The following STXBP5L variants were observed in gnomAD, a reference collection of about 807,000 sequenced individuals.
STXBP5L encodes syntaxin-binding protein 5-like.
Under a neutral mutation model 144.5 loss-of-function variants are expected in STXBP5L, and 65 were observed. That is an observed-to-expected ratio of 0.45 (90% CI 0.37 to 0.55). The LOEUF is 0.55. Ranked by LOEUF, STXBP5L falls within the 20% of genes least tolerant of loss-of-function variation. The pLI, the probability that STXBP5L is intolerant of heterozygous loss-of-function variation, is 0.00. For missense variants in STXBP5L, 1,298 were observed against 1,405.5 expected, an observed-to-expected ratio of 0.92 and a Z score of 1.22; for synonymous variants, 505 against 469.6, an observed-to-expected ratio of 1.08 and a Z score of -0.97.
chr3:121,237,832 T>G (rs1396639257), intron 12 of STXBP5L, among the ~76,000 whole-genome samples: 1 of 152,172 alleles, frequency 6.6e-6, no homozygotes, highest in Admixed American at 6.5e-5. Flanking sequence ...TCTGCTACAG[T>G]GCAACAATGC....
intron 5 of STXBP5L, among the ~76,000 whole-genome samples, chr3:121,088,294 C>T (rs1278682702): frequency 8.3e-6 from 1 of 121,076 alleles, no homozygotes; most frequent in African/African-American, 3.2e-5. Context: ...CATGAACAGA[C>T]ACTTCTCAAA....
intron 3 of STXBP5L, among the ~76,000 whole-genome samples, chr3:120,980,979 A>T (rs559318375): frequency 7.9e-5 from 12 of 152,252 alleles, no homozygotes; most frequent in African/African-American, 2.6e-4. Context: ...TTAGCAGGAT[A>T]CAAAATCCTT....
chr3:121,101,302 C>A (rs1257151611), intron 5 of STXBP5L, among the ~76,000 whole-genome samples: 1 of 151,998 alleles, frequency 6.6e-6, no homozygotes, highest in African/African-American at 2.4e-5. Context: ...AAGGACAATA[C>A]AGGCCAATAT....
At chr3:121,200,657 C>T (rs1577193699) in intron 9 of STXBP5L, among the ~76,000 whole-genome samples, 1 of 152,108 alleles carries the variant, frequency 6.6e-6, no homozygotes, top group Non-Finnish European at 1.5e-5. Flanking sequence ...TAGCTGTGTC[C>T]CAGAGATTCT....
Position 121,152,498 on chromosome 3 carries a change from G to A in STXBP5L, c.691G>A (p.Gly231Ser). 1 of 1,606,350 alleles carries A rather than the reference G, an allele frequency of 6.2e-7. No individual in the cohort carries two copies. The highest frequency in any genetic ancestry group is 8.5e-7 in the Non-Finnish European group (1 of 1,176,754). Residue 231 changes from glycine (G) to serine (S), a missense_variant, in exon 8 of 27, where the codon GGT (glycine) becomes AGT (serine). By Grantham distance (56) the Gly-to-Ser change is moderately conservative (BLOSUM62 0). Transcript: ENST00000471454. ...EGKLLIGYEN[G>S]TVVFWDLKSK... ...CCAGCTGCTAATAGGTTATGAAAAT[G>A]GTACTGTAGTATTCTGGGACTTGAA...
chr3:121,324,407 A>G, intron 20 of STXBP5L: 1 of 579,852 alleles, frequency 1.7e-6, no homozygotes, highest in Admixed American at 3.3e-5. Flanking sequence ...AGTTATTATG[A>G]AATTCAGCTT....
At chr3:121,087,947 T>G (rs559946116) in intron 5 of STXBP5L, among the ~76,000 whole-genome samples, 16 of 152,260 alleles carry the variant, frequency 1.1e-4, no homozygotes, top group Non-Finnish European at 2.1e-4. Flanking sequence ...TTCCTTTCTT[T>G]ACTTCCCTTT....
At chr3:121,270,464 T>A (rs886746292) in intron 18 of STXBP5L, among the ~76,000 whole-genome samples, 2 of 152,108 alleles carry the variant, frequency 1.3e-5, no homozygotes, top group Non-Finnish European at 2.9e-5. Context: ...CTTCAGCATT[T>A]TTTTTTTAGA....
At chr3:121,208,621 T>G (rs2048432142) in intron 10 of STXBP5L, among the ~76,000 whole-genome samples, 1 of 152,168 alleles carries the variant, frequency 6.6e-6, no homozygotes, top group African/African-American at 2.4e-5. Context: ...ATATTACTTA[T>G]AGTTTAAGCT....
chr3:121,165,150 C>T (rs569168610), intron 9 of STXBP5L, among the ~76,000 whole-genome samples: 2 of 152,048 alleles, frequency 1.3e-5, no homozygotes, highest in East Asian at 1.9e-4. Context: ...TAAATATATA[C>T]GATAAAATTT....
chr3:121,381,299 G>T lies in STXBP5L; in HGVS notation c.2354G>T (p.Arg785Leu). The T allele has an allele frequency of 6.3e-7, 1 of 1,578,276 alleles. No individual in the cohort carries two copies. The highest frequency in any genetic ancestry group is 1.2e-5 in the South Asian group (1 of 83,546). ...ISLPVTTEEN[R>L]ENSYNRSRSS... ...TTTTTATTTATTTCCATAGAAAACC[G>T]AGAAAATTCCTATAATCGTTCTAGA... Residue 785 changes from arginine (R) to leucine (L), a missense_variant, in exon 22 of 27, where the codon CGA becomes CTA. By Grantham distance (102) the Arg-to-Leu change is moderately radical. Transcript: ENST00000471454.
intron 16 of STXBP5L, among the ~76,000 whole-genome samples, chr3:121,256,529 T>C (rs1025908782): frequency 2.6e-5 from 4 of 151,976 alleles, no homozygotes; most frequent in African/African-American, 9.7e-5. Flanking sequence ...ATGTTTTTTA[T>C]CAAGTAATTC....
intron 20 of STXBP5L, among the ~76,000 whole-genome samples, chr3:121,322,005 C>T (rs1215714659): frequency 5.3e-5 from 8 of 152,122 alleles, no homozygotes; most frequent in Non-Finnish European, 1.2e-4. Context: ...CTCTTGTCCC[C>T]CTTCCTTCCT....
At chr3:121,020,096 T>C (rs1407298707) in intron 3 of STXBP5L, among the ~76,000 whole-genome samples, 1 of 152,072 alleles carries the variant, frequency 6.6e-6, no homozygotes, top group Non-Finnish European at 1.5e-5. Flanking sequence ...CACAACTTCT[T>C]GAAATGAAGA....
At chr3:120,993,354 C>T (rs958120800) in intron 3 of STXBP5L, among the ~76,000 whole-genome samples, 4 of 151,968 alleles carry the variant, frequency 2.6e-5, no homozygotes, top group Non-Finnish European at 5.9e-5. Flanking sequence ...GTTGCGTATG[C>T]TTTTACAGTC....
chr3:121,063,083 A>G (rs2041362844), intron 5 of STXBP5L, among the ~76,000 whole-genome samples: 1 of 152,074 alleles, frequency 6.6e-6, no homozygotes, highest in Non-Finnish European at 1.5e-5. Context: ...GGAGCAGAAG[A>G]GTCATTCTGG....
chr3:120,944,392 T>C (rs1199006255), intron 2 of STXBP5L, among the ~76,000 whole-genome samples: 1 of 151,658 alleles, frequency 6.6e-6, no homozygotes, highest in Non-Finnish European at 1.5e-5. Context: ...ATGTGCATGA[T>C]AGACTATGTT....
chr3:120,985,243 CCTT>C (rs1486052107), intron 3 of STXBP5L, among the ~76,000 whole-genome samples: 2 of 151,902 alleles, frequency 1.3e-5, no homozygotes, highest in South Asian at 4.1e-4. Flanking sequence ...TGGTTTTAAT[CCTT>C]CTTTAAATGT....
At chr3:120,998,959 A>G (rs913301007) in intron 3 of STXBP5L, among the ~76,000 whole-genome samples, 1 of 152,142 alleles carries the variant, frequency 6.6e-6, no homozygotes, top group African/African-American at 2.4e-5. Flanking sequence ...TTTCTGCTTA[A>G]TTTCATTGTT....
Sources: allele counts gnomAD v4.1 joint callset (sites outside exome capture counted in the v4.1 genomes callset), GRCh38; gene constraint gnomAD v4.1.1; transcripts MANE v1.5; gene names NCBI Gene and HGNC (gene_info 2026-07-23, HGNC 2026-07-21).